Variants in SNRPC observed in about 807,000 individuals in gnomAD.
SNRPC encodes the protein U1 small nuclear ribonucleoprotein C.
Under a neutral mutation model 20.0 loss-of-function variants are expected in SNRPC, and 5 were observed. The ratio of observed to expected loss-of-function variants is 0.25; its 90% CI spans 0.13 to 0.53. The LOEUF (loss-of-function observed/expected upper bound fraction) is 0.53, where lower values mean the gene tolerates loss of function less well. SNRPC is among the 20% of genes least tolerant of loss of function. SNRPC has a pLI of 0.96. For missense variants in SNRPC, 112 were observed against 224.1 expected (o/e 0.50, Z 3.19); for synonymous variants, 61 against 58.7 (o/e 1.04, Z -0.18).
chr6:34,765,417 A>ATATTTATTTATT, intron 3 of SNRPC, among the ~76,000 whole-genome samples: 1 of 150,938 alleles, frequency 6.6e-6, no homozygotes, highest in South Asian at 2.1e-4. Context: ...TTTATCTTAT[A>ATATTTATTTATT]TATTTATTTA....
intron 4 of SNRPC, among the ~76,000 whole-genome samples, chr6:34,769,658 A>T (rs1015955237): frequency 2.6e-5 from 4 of 152,140 alleles, no homozygotes; most frequent in African/African-American, 7.2e-5. Context: ...GCTTAAGTTC[A>T]TCAGCTTTTT....
At chr6:34,761,998 G>A (rs1305968976) in intron 2 of SNRPC, among the ~76,000 whole-genome samples, 1 of 152,028 alleles carries the variant, frequency 6.6e-6, no homozygotes, top group African/African-American at 2.4e-5. Flanking sequence ...GAGAGAAGCT[G>A]TAGCCAATAT....
intron 3 of SNRPC, among the ~76,000 whole-genome samples, chr6:34,767,447 C>G (rs1764627940): frequency 6.6e-6 from 1 of 152,134 alleles, no homozygotes. Flanking sequence ...ATGGTGAAAC[C>G]CGGTCTCTAT....
At chr6:34,762,482 G>T (rs1002011125) in intron 2 of SNRPC, 113 bp from the exon 3 acceptor site, 1 of 610,652 alleles carries the variant, frequency 1.6e-6, no homozygotes. Context: ...TACTGTAGCA[G>T]CCAGCTAATG....
intron 2 of SNRPC, among the ~76,000 whole-genome samples, chr6:34,759,853 CTG>C (rs1764510521): frequency 6.6e-6 from 1 of 152,208 alleles, no homozygotes; most frequent in African/African-American, 2.4e-5. Flanking sequence ...CTATGCTTTG[CTG>C]TCTCTGTAGA....
chr6:34,759,480 G>A (rs905374222), intron 2 of SNRPC, among the ~76,000 whole-genome samples: 2 of 152,144 alleles, frequency 1.3e-5, no homozygotes, highest in African/African-American at 2.4e-5. Flanking sequence ...CAACACAAGT[G>A]GCTTTGTCTA....
intron 2 of SNRPC, among the ~76,000 whole-genome samples, chr6:34,758,530 G>A (rs1473654499): frequency 6.6e-6 from 1 of 151,950 alleles, no homozygotes; most frequent in Non-Finnish European, 1.5e-5. Context: ...GGTCAGGCTG[G>A]TCTCGAACTC....
At chr6:34,765,488 G>A (rs573180017) in intron 3 of SNRPC, among the ~76,000 whole-genome samples, 1 of 151,912 alleles carries the variant, frequency 6.6e-6, no homozygotes, top group Admixed American at 6.6e-5. Flanking sequence ...CCAGGTTGGA[G>A]TGCAGTGGCA....
intron 2 of SNRPC, among the ~76,000 whole-genome samples, chr6:34,759,996 C>G (rs940777964): frequency 1.3e-5 from 2 of 152,050 alleles, no homozygotes; most frequent in African/African-American, 4.8e-5. Flanking sequence ...CTATTGTCAC[C>G]TTATTTGAAA....
In SNRPC at chr6:34,767,898, C is replaced by A. The variant is rs1764634105; in HGVS notation, c.161-10C>A. 1.4e-6 allele frequency: 2 copies of A among 1,418,320 alleles called. No homozygotes were observed. The highest frequency in any genetic ancestry group is 2.5e-5 in the African/African-American group (1 of 40,054). The allele number at this position is 1,418,320 out of a possible 1,614,324, so 87.9% of individuals were successfully genotyped here. A position where few individuals can be genotyped will look rare whatever the true frequency, so the allele number is the denominator to read the frequency against. Reference sequence around the variant, plus strand: ...ATCTTTTTTTTTTTTTTTTTCCTCACCCTCCAAAGCGGCTGCATTTCAACA... The same window carrying A: ...ATCTTTTTTTTTTTTTTTTTCCTCAACCTCCAAAGCGGCTGCATTTCAACA... On this transcript the variant is annotated splice_polypyrimidine_tract_variant and intron_variant, in intron 3 of 5. Transcript: ENST00000244520.
At chr6:34,767,043 A>C (rs886254265) in intron 3 of SNRPC, among the ~76,000 whole-genome samples, 4 of 152,132 alleles carry the variant, frequency 2.6e-5, no homozygotes, top group African/African-American at 9.7e-5. Flanking sequence ...TTTTAAATTG[A>C]TTGCATTAGA....
At chr6:34,761,385 A>G (rs7341329) in intron 2 of SNRPC, among the ~76,000 whole-genome samples, 67,781 of 151,778 alleles carry the variant, frequency 0.45, 17,174 homozygotes, top group African/African-American at 0.7. Context: ...TGATCCGCAC[A>G]CTTTGGCCTC....
intron 5 of SNRPC, 28 bp downstream of exon 5, chr6:34,770,423 T>A: frequency 6.9e-7 from 1 of 1,439,454 alleles, no homozygotes; most frequent in South Asian, 1.1e-5. Flanking sequence ...TCTTTCTAGT[T>A]TGTTCCATTT....
intron 3 of SNRPC, among the ~76,000 whole-genome samples, chr6:34,764,498 A>C (rs1764588392): frequency 6.7e-6 from 1 of 150,140 alleles, no homozygotes; most frequent in Non-Finnish European, 1.5e-5. Flanking sequence ...AAAAAAAACA[A>C]CAAAAAACAA....
chr6:34,767,875 CT>C (rs371572218), intron 3 of SNRPC, 32 bp from the exon 4 acceptor site: 163,746 of 1,267,448 alleles, frequency 0.13, 18 homozygotes, highest in Middle Eastern at 0.16. Flanking sequence ...TCTTATTCAT[CT>C]TTTTTTTTTT....
intron 3 of SNRPC, 35 bp from the exon 4 acceptor site, chr6:34,767,873 A>ACC: frequency 7.3e-7 from 1 of 1,365,310 alleles, no homozygotes; most frequent in Non-Finnish European, 9.9e-7. Flanking sequence ...ATTCTTATTC[A>ACC]TCTTTTTTTT....
In SNRPC at chr6:34,757,530, G is replaced by T. The variant is rs778124798; in HGVS notation, c.-14G>T. ...GCGTCACGTAACGGAGTGGCCAACGGCCTGCAGAGCAACATGCCCAAGTGA... is the reference window on the plus strand; with the variant it reads ...GCGTCACGTAACGGAGTGGCCAACGTCCTGCAGAGCAACATGCCCAAGTGA... On this transcript the variant is annotated 5_prime_UTR_variant, in exon 1 of 6. Transcript: ENST00000244520. The T allele has an allele frequency of 3.7e-6, 6 of 1,613,536 alleles. No individual in the cohort carries two copies. In the South Asian group the frequency reaches 4.4e-5, roughly 12 times the overall value.
chr6:34,768,595 T>C (rs1764644481), intron 4 of SNRPC, among the ~76,000 whole-genome samples: 1 of 151,718 alleles, frequency 6.6e-6, no homozygotes, highest in South Asian at 2.1e-4. Flanking sequence ...CTACTAAAAA[T>C]ACAAAAGTTA....
chr6:34,767,531 CT>C (rs1561791231), intron 3 of SNRPC, among the ~76,000 whole-genome samples: 1 of 152,192 alleles, frequency 6.6e-6, no homozygotes, highest in Non-Finnish European at 1.5e-5. Flanking sequence ...AGAGGGTCAC[CT>C]GAGCCCGGGA....
Sources: gnomAD v4.1 joint callset for allele counts (sites outside exome capture counted in the v4.1 genomes callset) on GRCh38, gnomAD v4.1.1 for gene constraint, MANE v1.5 for transcripts, NCBI Gene and HGNC (gene_info 2026-07-23, HGNC 2026-07-21) for gene names.